Variants in MCF2L observed in about 807,000 individuals in gnomAD.
MCF2L encodes the protein MCF.2 cell line derived transforming sequence like.
MCF2L carries 97 observed loss-of-function variants against 153.4 expected under a neutral mutation model. The observed-to-expected ratio is 0.63, with a 90% CI of 0.54 to 0.75. The LOEUF (loss-of-function observed/expected upper bound fraction) is 0.75, where lower values mean the gene tolerates loss of function less well. Among genes scored for constraint, MCF2L ranks in the 30% least tolerant of loss-of-function variants. The probability of loss-of-function intolerance (pLI) is 0.00; values close to 1 mark genes in which losing one functional copy is unlikely to be tolerated. For synonymous variants in MCF2L, 659 were observed against 632.2 expected (o/e 1.04, Z -0.64); for missense variants, 1,347 against 1,495.2 (o/e 0.90, Z 1.64).
intron 1 of MCF2L, among the ~76,000 whole-genome samples, chr13:112,990,564 C>T (rs541278991): frequency 1.6e-4 from 25 of 152,202 alleles, no homozygotes; most frequent in Non-Finnish European, 2.9e-4. Context: ...TGCAAGGAGA[C>T]CTTTGCTTTC....
intron 2 of MCF2L, chr13:112,909,602 G>C: frequency 2.8e-6 from 1 of 356,402 alleles, no homozygotes; most frequent in Non-Finnish European, 5.2e-6. Flanking sequence ...CTCTTTGAAG[G>C]ATCTGATGGA....
chr13:112,968,634 G>A (rs1323244521), upstream of MCF2L: 1 of 1,527,370 alleles, frequency 6.5e-7, no homozygotes, highest in South Asian at 1.2e-5. Context: ...CGCGGCGCGG[G>A]TGGCATGCGG....
At chr13:112,973,870 C>T (rs1246388941) in intron 1 of MCF2L, among the ~76,000 whole-genome samples, 3 of 152,108 alleles carry the variant, frequency 2.0e-5, no homozygotes, top group Non-Finnish European at 2.9e-5. Flanking sequence ...AGGTGTGTTC[C>T]GAGTTTCATG....
Position 112,969,232 on chromosome 13 carries a change from A to T in MCF2L, c.-148A>T. 7.5e-7 allele frequency: 1 copy of T among 1,329,508 alleles called. No individual in the cohort carries two copies. The allele number at this position is 1,329,508 out of a possible 1,614,324, so 82.4% of individuals were successfully genotyped here. A position where few individuals can be genotyped will look rare whatever the true frequency, so the allele number is the denominator to read the frequency against. On this transcript the variant is annotated 5_prime_UTR_variant, in exon 1 of 30. Coordinates refer to ENST00000535094, the MANE Select transcript of MCF2L (RefSeq NM_001112732.3). The surrounding 1 kb of genome is among the most constrained non-coding windows in gnomAD (Gnocchi z 4.8). ...CGGTGGCGCGGAACCAATCCTGGGC[A>T]GGGAGGCGGCGGCTGGAGGCTGAAA...
intron 2 of MCF2L, among the ~76,000 whole-genome samples, chr13:112,938,382 G>C (rs1019294208): frequency 1.3e-5 from 2 of 152,090 alleles, no homozygotes; most frequent in Admixed American, 1.3e-4. Context: ...CTGGAGGTGC[G>C]AGTTCTGGGG....
chr13:113,089,205 A>G (rs1320910715), intron 25 of MCF2L, among the ~76,000 whole-genome samples: 5 of 104,162 alleles, frequency 4.8e-5, no homozygotes, highest in African/African-American at 7.3e-5. Flanking sequence ...AAAGCCTCAT[A>G]CTTCAGAGCA....
chr13:112,926,913 G>C (rs1191533126), intron 2 of MCF2L, among the ~76,000 whole-genome samples: 2 of 152,158 alleles, frequency 1.3e-5, no homozygotes, highest in African/African-American at 4.8e-5. Context: ...CCACCACTAA[G>C]AAATAAGCAT....
At position 113,081,159 on chromosome 13, in the gene MCF2L, A is replaced by G. The variant is rs186360930; in HGVS notation, c.1809-54A>G. 2.9e-4 allele frequency: 419 copies of G among 1,447,728 alleles called. 2 individuals are homozygous for G. In the African/African-American group the frequency reaches 5.3e-3, roughly 18 times the overall value. The allele number at this position is 1,447,728 out of a possible 1,614,324, so 89.7% of individuals were successfully genotyped here. A position where few individuals can be genotyped will look rare whatever the true frequency, so the allele number is the denominator to read the frequency against. On this transcript the variant is annotated intron_variant, in intron 15 of 29. Transcript: ENST00000535094. ...CACCTGTGAGACTGTGGAGCAGACC[A>G]TTCCTGCTCTCCCAGTGCTAACCTT...
At chr13:113,077,881 C>T (rs372658536) in intron 13 of MCF2L, among the ~76,000 whole-genome samples, 7 of 152,242 alleles carry the variant, frequency 4.6e-5, no homozygotes, top group Admixed American at 2.6e-4. Flanking sequence ...ATCTCAGGGG[C>T]CCCGGGGGCC....
rs150712109 is a variant in MCF2L at position 112,910,834 on chromosome 13, G to A, written c.169+8463G>A. ...GTGGCTGTCTCGCCGGGACTGTGCC[G>A]CTGGTGACCTGGGGGGTGTTAATTA... On this transcript the variant is annotated intron_variant, in intron 2 of 29. Coordinates refer to the MCF2L transcript ENST00000375608. Among the ~76,000 whole-genome samples the A allele has an allele frequency of 2.6e-5, 4 of 152,358 alleles. No individual in the cohort carries two copies. The East Asian group carries it at 7.7e-4, about 29-fold the overall frequency.
Position 113,064,792 on chromosome 13 carries a change from T to G in MCF2L, c.607-144T>G. ...AGAGGTCAAGGAGGGCAGGACGCTA[T>G]GGGAGGGCGTTCACCGTCTTTGCGT... On this transcript the variant is annotated intron_variant, in intron 6 of 29. Coordinates refer to ENST00000535094, the MANE Select transcript of MCF2L (RefSeq NM_001112732.3). The surrounding 1 kb of genome is among the most constrained non-coding windows in gnomAD (Gnocchi z 6.0). The G allele has an allele frequency of 1.2e-6, 1 of 816,806 alleles. No homozygotes were observed. The highest frequency in any genetic ancestry group is 1.9e-6 in the Non-Finnish European group (1 of 526,392). 50.6% of individuals were successfully genotyped at this position (816,806 alleles called of 1,614,324 possible).
intron 27 of MCF2L, chr13:113,095,644 C>G: frequency 3.0e-6 from 3 of 993,772 alleles, no homozygotes; most frequent in Middle Eastern, 5.2e-4. Context: ...AGTCACCGTC[C>G]TCCTGCTCCA....
At chr13:112,944,524 G>T (rs1432244995) in intron 2 of MCF2L, among the ~76,000 whole-genome samples, 1 of 151,338 alleles carries the variant, frequency 6.6e-6, no homozygotes. Flanking sequence ...GTGCTAAGCC[G>T]CAGAAGAGCT....
At chr13:112,984,390 G>A (rs989934153) in intron 1 of MCF2L, among the ~76,000 whole-genome samples, 3 of 151,948 alleles carry the variant, frequency 2.0e-5, no homozygotes, top group Middle Eastern at 3.2e-3. Flanking sequence ...ATGTGCCACC[G>A]CACCTGGCTA....
intron 2 of MCF2L, among the ~76,000 whole-genome samples, chr13:112,955,362 G>A (rs950079457): frequency 2.6e-5 from 4 of 152,196 alleles, no homozygotes; most frequent in Non-Finnish European, 5.9e-5. Context: ...CATGGGAGCC[G>A]CACCCGATGG....
Position 113,076,055 on chromosome 13 carries a change from C to G in MCF2L, c.1398C>G (p.Leu466=). 6.2e-7 allele frequency: 1 copy of G among 1,614,078 alleles called. No homozygotes were observed. The highest frequency in any genetic ancestry group is 8.5e-7 in the Non-Finnish European group (1 of 1,180,004). Residue 466 remains leucine, a synonymous_variant, in exon 12 of 30, where the codon CTC becomes CTG. Transcript: ENST00000535094. ...CCCAGGACGGCGCGGAGGCTGCCCT[C>G]CAGGAAATCGAGAAGTTTTTGGAGA... ...CQSQDGAEAA[L]QEIEKFLETG...
chr13:112,986,451 C>T (rs1017655222), intron 1 of MCF2L, among the ~76,000 whole-genome samples: 58 of 152,356 alleles, frequency 3.8e-4, no homozygotes, highest in African/African-American at 1.3e-3. Flanking sequence ...GCACCACCAC[C>T]GCCCCATTCA....
Position 113,046,808 on chromosome 13 carries a change from A to T in MCF2L, c.369+1447A>T. Reference sequence around the variant, plus strand: ...CACCTATGGCATCGTTATCTGAAATAATTCAAAACGCTTCAGGATGCTTCC... The same window carrying T: ...CACCTATGGCATCGTTATCTGAAATTATTCAAAACGCTTCAGGATGCTTCC... On this transcript the variant is annotated intron_variant, in intron 4 of 29. Transcript: ENST00000535094. The surrounding 1 kb of genome is among the most constrained non-coding windows in gnomAD (Gnocchi z 4.4). The T allele has an allele frequency of 2.5e-6, 1 of 394,450 alleles. No homozygotes were observed. The highest frequency in any genetic ancestry group is 5.0e-6 in the Non-Finnish European group (1 of 198,664). 24.4% of individuals were successfully genotyped at this position (394,450 alleles called of 1,614,324 possible).
chr13:113,094,425 G>A, intron 26 of MCF2L, 89 bp from the exon 27 acceptor site: 9 of 1,394,222 alleles, frequency 6.5e-6, no homozygotes, highest in Non-Finnish European at 8.7e-6. Context: ...ATTTCAGGGG[G>A]TCTGTGGGAC....
Sources: gnomAD v4.1 joint callset for allele counts (sites outside exome capture counted in the v4.1 genomes callset) on GRCh38, gnomAD v4.1.1 for gene constraint, Gnocchi (gnomAD v3.1) non-coding constraint, MANE v1.5 for transcripts, NCBI Gene and HGNC (gene_info 2026-07-23, HGNC 2026-07-21) for gene names.